Variants in PLPPR5 observed in about 807,000 individuals in gnomAD.
PLPPR5 encodes the protein phospholipid phosphatase-related protein type 5.
Under a neutral mutation model 33.9 loss-of-function variants are expected in PLPPR5, and 16 were observed. The ratio of observed to expected loss-of-function variants is 0.47; its 90% CI spans 0.32 to 0.72. The LOEUF (loss-of-function observed/expected upper bound fraction) is 0.72, where lower values mean the gene tolerates loss of function less well. Ranked by LOEUF, PLPPR5 falls within the 30% of genes least tolerant of loss-of-function variation. The pLI, the probability that PLPPR5 is intolerant of heterozygous loss-of-function variation, is 0.03. For missense variants in PLPPR5, 301 were observed against 406.7 expected (o/e 0.74, Z 2.23); for synonymous variants, 163 against 150.3 (o/e 1.08, Z -0.62).
intron 1 of PLPPR5, among the ~76,000 whole-genome samples, chr1:98,960,172 C>T (rs1651179833): frequency 6.6e-6 from 1 of 151,870 alleles, no homozygotes; most frequent in African/African-American, 2.4e-5. Context: ...AGTTAAAACT[C>T]CAATTGTTTA....
intron 5 of PLPPR5, among the ~76,000 whole-genome samples, chr1:98,894,878 T>C (rs914147377): frequency 6.6e-5 from 10 of 152,006 alleles, no homozygotes; most frequent in African/African-American, 2.4e-4. Flanking sequence ...AATGCAGAGC[T>C]TGACAGAAAT....
At chr1:98,978,745 A>G (rs1282176081) in intron 1 of PLPPR5, among the ~76,000 whole-genome samples, 3 of 152,090 alleles carry the variant, frequency 2.0e-5, no homozygotes, top group African/African-American at 7.2e-5. Flanking sequence ...AAAAATTAAG[A>G]TGTTCAAAAG....
intron 1 of PLPPR5, among the ~76,000 whole-genome samples, chr1:98,978,965 T>C (rs1490935855): frequency 6.6e-6 from 1 of 151,992 alleles, no homozygotes; most frequent in Non-Finnish European, 1.5e-5. Context: ...CATCCTGTCA[T>C]TGAGTTGCTA....
chr1:98,923,273 TGAG>T (rs1649638286), intron 3 of PLPPR5, among the ~76,000 whole-genome samples: 3 of 152,344 alleles, frequency 2.0e-5, no homozygotes, highest in African/African-American at 2.4e-5. Flanking sequence ...TTTCAAGTCA[TGAG>T]TAGAGCAATT....
At chr1:98,915,571 A>G (rs2101153530) in intron 4 of PLPPR5, among the ~76,000 whole-genome samples, 1 of 151,602 alleles carries the variant, frequency 6.6e-6, no homozygotes, top group East Asian at 1.9e-4. Context: ...TAAAATTTTA[A>G]AAATAAAAAA....
intron 5 of PLPPR5, among the ~76,000 whole-genome samples, chr1:98,903,951 C>T (rs776202151): frequency 6.6e-6 from 1 of 152,150 alleles, no homozygotes; most frequent in Admixed American, 6.5e-5. Flanking sequence ...ACAAAAGAGT[C>T]AATCAATGTA....
chr1:98,894,293 C>T (rs1378939425), intron 5 of PLPPR5, among the ~76,000 whole-genome samples: 1 of 152,038 alleles, frequency 6.6e-6, no homozygotes, highest in Admixed American at 6.6e-5. Context: ...AGTAGCTCAT[C>T]TGTAAGTTTT....
intron 5 of PLPPR5, among the ~76,000 whole-genome samples, chr1:98,906,199 TGTGTGTGTATATATACA>T (rs1334956356): frequency 2.7e-5 from 4 of 150,820 alleles, no homozygotes; most frequent in Non-Finnish European, 5.9e-5. Flanking sequence ...ATATATATAG[TGTGTGTGTATATATACA>T]GTGTGTGTAT....
intron 1 of PLPPR5, among the ~76,000 whole-genome samples, chr1:98,965,878 T>C (rs998148765): frequency 5.3e-5 from 8 of 152,236 alleles, no homozygotes; most frequent in African/African-American, 9.6e-5. Context: ...ACAGAAGTTA[T>C]GTAATCAGTG....
At chr1:98,928,938 C>G (rs749018787) in intron 3 of PLPPR5, among the ~76,000 whole-genome samples, 8 of 151,858 alleles carry the variant, frequency 5.3e-5, no homozygotes, top group Non-Finnish European at 1.0e-4. Context: ...TTTTCAGATT[C>G]TAATTATCAT....
rs78301638 is a variant in PLPPR5 at position 98,994,790 on chromosome 1, T to C, written c.237+9645A>G. On this transcript the variant is annotated intron_variant, in intron 1 of 5. Transcript: ENST00000263177. ...GCATTGTGGATGTAAAAAAGAATTT[T>C]TCATTGATGAAAGTAATGACTGAAT... Among the ~76,000 whole-genome samples the C allele has an allele frequency of 2.4e-3, 372 of 152,242 alleles. 10 individuals are homozygous for C. In the East Asian group the frequency reaches 0.059, roughly 24 times the overall value.
At chr1:98,894,767 T>G (rs1029280295) in intron 5 of PLPPR5, among the ~76,000 whole-genome samples, 2 of 151,992 alleles carry the variant, frequency 1.3e-5, no homozygotes, top group African/African-American at 4.8e-5. Context: ...TTGCTGAAGA[T>G]GATCTTAAGA....
At chr1:98,932,586 T>A (rs528857607) in intron 3 of PLPPR5, among the ~76,000 whole-genome samples, 2 of 152,348 alleles carry the variant, frequency 1.3e-5, no homozygotes, top group East Asian at 3.9e-4. Context: ...TTAGCTATTT[T>A]TTAGGTGTGT....
chr1:98,995,451 T>C (rs1223363637), intron 1 of PLPPR5, among the ~76,000 whole-genome samples: 1 of 152,174 alleles, frequency 6.6e-6, no homozygotes, highest in Non-Finnish European at 1.5e-5. Context: ...ATGTACCTCC[T>C]GAACCTAGAA....
At chr1:99,004,188 C>T (rs1050054371) in intron 1 of PLPPR5, 3 of 535,062 alleles carry the variant, frequency 5.6e-6, no homozygotes, top group Non-Finnish European at 9.9e-6. Context: ...CCTTCCATCC[C>T]CGCCCAGTCA....
In PLPPR5 at chr1:98,909,129, G is replaced by A. The variant is rs182542063; in HGVS notation, c.933+5657C>T. Among the ~76,000 whole-genome samples, 28 of 151,864 alleles carry A rather than the reference G, an allele frequency of 1.8e-4. No homozygotes were observed. In the East Asian group the frequency reaches 4.1e-3, roughly 22 times the overall value. ...AGGAGGGACAGAGGGAGGAAGGAAG[G>A]GTCAGGAATGTGGATAAGGTCATGG... On this transcript the variant is annotated intron_variant, in intron 5 of 5. Transcript: ENST00000263177.
intron 5 of PLPPR5, among the ~76,000 whole-genome samples, chr1:98,903,615 T>C (rs1648782555): frequency 6.6e-6 from 1 of 152,090 alleles, no homozygotes; most frequent in South Asian, 2.1e-4. Context: ...AGTCTTTGTA[T>C]GGGAGTATCC....
At chr1:98,964,109 G>C (rs1448048147) in intron 1 of PLPPR5, among the ~76,000 whole-genome samples, 1 of 152,154 alleles carries the variant, frequency 6.6e-6, no homozygotes, top group Admixed American at 6.5e-5. Flanking sequence ...AGCATAACTG[G>C]TTTGCTTTCC....
At position 98,999,940 on chromosome 1, in the gene PLPPR5, T is replaced by G. The variant is rs528344115; in HGVS notation, c.237+4495A>C. 3.3e-5 allele frequency among the ~76,000 whole-genome samples: 5 copies of G among 152,300 alleles called. No individual in the cohort carries two copies. In the South Asian group the frequency reaches 1.0e-3, roughly 32 times the overall value. On this transcript the variant is annotated intron_variant, in intron 1 of 5. Coordinates refer to ENST00000263177, the MANE Select transcript of PLPPR5 (RefSeq NM_001037317.2). ...TGGTTGGTGCTGGTTTTCTTTATCT[T>G]TATTCTAGCTTTGTGAAGATGGTGA...
Sources: gnomAD v4.1 joint callset for allele counts (sites outside exome capture counted in the v4.1 genomes callset) on GRCh38, gnomAD v4.1.1 for gene constraint, MANE v1.5 for transcripts, NCBI Gene and HGNC (gene_info 2026-07-23, HGNC 2026-07-21) for gene names.